SLC25A26: variants seen among roughly 807,000 people sequenced by gnomAD.
SLC25A26 encodes the protein solute carrier family 25 member 26.
Under a neutral mutation model 37.8 loss-of-function variants are expected in SLC25A26, and 36 were observed. The observed-to-expected ratio is 0.95, with a 90% CI of 0.73 to 1.26. The LOEUF is 1.26. Ranked by LOEUF, SLC25A26 falls within the 50% of genes most tolerant of loss-of-function variation. SLC25A26 has a pLI of 0.00. For synonymous variants in SLC25A26, 129 were observed against 122.5 expected, an observed-to-expected ratio of 1.05 and a Z score of -0.35; for missense variants, 390 against 331.1, an observed-to-expected ratio of 1.18 and a Z score of -1.38.
At chr3:66,225,205 C>G (rs916347031) in intron 1 of SLC25A26, among the ~76,000 whole-genome samples, 3 of 152,172 alleles carry the variant, frequency 2.0e-5, no homozygotes, top group Admixed American at 6.5e-5. Context: ...TAGAGGTTCT[C>G]TAGGAGAGCC....
chr3:66,175,971 C>G (rs1227174492), intron 1 of SLC25A26, among the ~76,000 whole-genome samples: 1 of 152,102 alleles, frequency 6.6e-6, no homozygotes, highest in Non-Finnish European at 1.5e-5. Flanking sequence ...GGCATAATAT[C>G]TATCAACAGG....
intron 1 of SLC25A26, among the ~76,000 whole-genome samples, chr3:66,155,386 G>T (rs1401176130): frequency 1.3e-5 from 2 of 152,158 alleles, no homozygotes; most frequent in African/African-American, 4.8e-5. Flanking sequence ...GGTGGTGTGT[G>T]CCTGTAGTCC....
chr3:66,339,454 G>A (rs2076158378), intron 5 of SLC25A26, among the ~76,000 whole-genome samples: 4 of 151,950 alleles, frequency 2.6e-5, no homozygotes, highest in African/African-American at 7.2e-5. Context: ...GAGCCATACT[G>A]TTTTCAAGTG....
At position 66,262,105 on chromosome 3, in the gene SLC25A26, T is replaced by A; in HGVS notation, c.355T>A (p.Ser119Thr). Reference protein sequence around the residue: ...SEVVKQRAQVSASTRTFQIFS... With the variant: ...SEVVKQRAQVTASTRTFQIFS... The stretch of plus-strand genomic sequence containing the variant: ...AGTGGTTAAGCAGAGGGCACAGGTA[T>A]CTGCTTCTACAAGAACATTTCAGAT... The change falls in exon 4 of 10, where the codon TCT becomes ACT. Residue 119 changes from serine to threonine, a missense_variant. By Grantham distance (58) the Ser-to-Thr change is moderately conservative (BLOSUM62 1). Transcript: ENST00000354883. 1.3e-6 allele frequency: 2 copies of A among 1,588,238 alleles called. 1 individual carries two copies. The highest frequency in any genetic ancestry group is 4.5e-5 in the East Asian group (2 of 44,316).
chr3:66,150,583 A>T (rs2070187868), intron 1 of SLC25A26, among the ~76,000 whole-genome samples: 3 of 102,978 alleles, frequency 2.9e-5, no homozygotes, highest in South Asian at 7.1e-4. Context: ...TATATATATC[A>T]TGATATATAT....
At chr3:66,211,688 T>A (rs1001912995) in intron 1 of SLC25A26, among the ~76,000 whole-genome samples, 4,561 of 152,316 alleles carry the variant, frequency 0.03, 236 homozygotes, top group African/African-American at 0.1. Flanking sequence ...ACATTGCATA[T>A]GTCAGCTTTT....
At chr3:66,203,072 C>T (rs1041443784) in intron 1 of SLC25A26, among the ~76,000 whole-genome samples, 20 of 152,126 alleles carry the variant, frequency 1.3e-4, no homozygotes, top group African/African-American at 4.3e-4. Flanking sequence ...TTTCTAGATT[C>T]GTAACTAACT....
chr3:66,376,369 TGAAAA>T (rs2107877688), intron 9 of SLC25A26, among the ~76,000 whole-genome samples: 1 of 152,156 alleles, frequency 6.6e-6, no homozygotes, highest in Non-Finnish European at 1.5e-5. Flanking sequence ...AAATCTTTCA[TGAAAA>T]GAAGAGTCCA....
In SLC25A26 at chr3:66,171,358, G is replaced by A. The variant is rs533931292; in HGVS notation, c.-354+37374G>A. Among the ~76,000 whole-genome samples, 114 of 152,232 alleles carry A rather than the reference G, an allele frequency of 7.5e-4. 1 individual carries two copies. Among genetic ancestry groups the A allele is most frequent in the African/African-American group, 2.5e-3 (104 of 41,516 alleles). On this transcript the variant is annotated intron_variant, in intron 1 of 10. Coordinates refer to the SLC25A26 transcript ENST00000676754. The stretch of plus-strand genomic sequence containing the variant: ...ATTTTGGTTATGATGCTGGCTGCTC[G>A]TTCTAGTCGGGTTCTCCAGCCATCC...
intron 1 of SLC25A26, among the ~76,000 whole-genome samples, chr3:66,229,515 C>T (rs186734424): frequency 1.1e-4 from 16 of 152,266 alleles, no homozygotes; most frequent in Non-Finnish European, 1.8e-4. Context: ...ATAAGTGTCT[C>T]GCATTTCCCC....
intron 1 of SLC25A26, among the ~76,000 whole-genome samples, chr3:66,227,731 C>G (rs782521507): frequency 4.4e-4 from 67 of 152,024 alleles, no homozygotes; most frequent in Admixed American, 4.3e-3. Context: ...GGAGCTTTTT[C>G]GTGATACTTG....
At chr3:66,142,157 C>G (rs1273093162) in intron 1 of SLC25A26, among the ~76,000 whole-genome samples, 1 of 152,216 alleles carries the variant, frequency 6.6e-6, no homozygotes, top group Non-Finnish European at 1.5e-5. Flanking sequence ...ACTCCAGCCT[C>G]TGGGTGACTC....
At chr3:66,293,131 C>T (rs1028053030) in intron 5 of SLC25A26, 1 of 152,122 alleles carries the variant, frequency 6.6e-6, no homozygotes, top group Non-Finnish European at 1.5e-5. Context: ...TGGAAAGCTT[C>T]ACGAATTTGC....
rs184059412 is a variant in SLC25A26 at position 66,164,583 on chromosome 3, C to T, written c.-354+30599C>T. On this transcript the variant is annotated intron_variant, in intron 1 of 10. Coordinates refer to the SLC25A26 transcript ENST00000676754. ...AAGGGCAAGTTTAAAATAGGATTACCGTCAATGACTTGGACTAGGGATCAG... is the reference window on the plus strand; with the variant it reads ...AAGGGCAAGTTTAAAATAGGATTACTGTCAATGACTTGGACTAGGGATCAG... Among the ~76,000 whole-genome samples, 347 of 152,194 alleles carry T rather than the reference C, an allele frequency of 2.3e-3. 3 individuals are homozygous for T. The highest frequency in any genetic ancestry group is 8.1e-3 in the African/African-American group (336 of 41,520).
At position 66,236,801 on chromosome 3, in the gene SLC25A26, T is replaced by A. The variant is rs549509101; in HGVS notation, c.190+101T>A. ...ATAGAATTCCTTGTGTGTTGAAGCTTATCTTCTGAATTTCCTTCTTTAACC... is the reference window on the plus strand; with the variant it reads ...ATAGAATTCCTTGTGTGTTGAAGCTAATCTTCTGAATTTCCTTCTTTAACC... On this transcript the variant is annotated intron_variant, in intron 2 of 9. Coordinates refer to ENST00000354883, the MANE Select transcript of SLC25A26 (RefSeq NM_001379210.1). The A allele has an allele frequency of 8.0e-5, 69 of 860,384 alleles. 1 individual carries two copies. In the South Asian group the frequency reaches 1.9e-3, roughly 24 times the overall value. 53.3% of individuals were successfully genotyped at this position (860,384 alleles called of 1,614,324 possible).
chr3:66,178,989 C>T (rs1263503590), intron 1 of SLC25A26, among the ~76,000 whole-genome samples: 2 of 152,120 alleles, frequency 1.3e-5, no homozygotes, highest in African/African-American at 4.8e-5. Flanking sequence ...GAACATGAGG[C>T]TTGCAAGCAG....
intron 5 of SLC25A26, among the ~76,000 whole-genome samples, chr3:66,312,591 C>T (rs546040588): frequency 1.3e-4 from 20 of 152,036 alleles, no homozygotes; most frequent in Non-Finnish European, 2.6e-4. Context: ...CCCAAACAGC[C>T]ACCCAGTTTT....
chr3:66,352,459 G>C (rs1201679673), intron 6 of SLC25A26, among the ~76,000 whole-genome samples: 3 of 140,658 alleles, frequency 2.1e-5, no homozygotes, highest in African/African-American at 8.9e-5. Context: ...TTTTTGAGAT[G>C]TACCAAGGCC....
Position 66,346,709 on chromosome 3 carries a change from TGTGTGC to T in SLC25A26, c.498+307_498+312del, listed in dbSNP as rs937441306. Among the ~76,000 whole-genome samples, 17 of 121,626 alleles carry T rather than the reference TGTGTGC, an allele frequency of 1.4e-4. No individual in the cohort carries two copies. In the East Asian group the frequency reaches 2.2e-3, roughly 16 times the overall value. 79.8% of individuals were successfully genotyped at this position (121,626 alleles called of 152,430 possible). Reference sequence around the variant, plus strand: ...TCTCCACCGTTAAATTTCATTTTGCTGTGTGCGTGTGTGTGTGTGTGTGTGTGTGTG... The same window carrying T: ...TCTCCACCGTTAAATTTCATTTTGCTGTGTGTGTGTGTGTGTGTGTGTGTG... On this transcript the variant is annotated intron_variant, in intron 6 of 9. Transcript: ENST00000354883.
Sources: gnomAD v4.1 joint callset for allele counts (sites outside exome capture counted in the v4.1 genomes callset) on GRCh38, gnomAD v4.1.1 for gene constraint, MANE v1.5 for transcripts, NCBI Gene and HGNC (gene_info 2026-07-23, HGNC 2026-07-21) for gene names.